Variants in LPP observed in about 807,000 individuals in gnomAD.
LPP encodes the protein LIM domain containing preferred translocation partner in lipoma.
LPP carries 38 observed loss-of-function variants against 60.4 expected under a neutral mutation model. The ratio of observed to expected loss-of-function variants is 0.63; its 90% CI spans 0.49 to 0.83. LPP has a LOEUF of 0.83. LPP is among the 40% of genes least tolerant of loss of function. The probability of loss-of-function intolerance (pLI) is 0.00; values close to 1 mark genes in which losing one functional copy is unlikely to be tolerated. For synonymous variants in LPP, 328 were observed against 290.8 expected (o/e 1.13, Z -1.30); for missense variants, 902 against 783.6 (o/e 1.15, Z -1.80).
chr3:188,313,313 C>T (rs1754037628), intron 2 of LPP, among the ~76,000 whole-genome samples: 2 of 151,966 alleles, frequency 1.3e-5, no homozygotes, highest in South Asian at 2.1e-4. Flanking sequence ...GCTTTTAATG[C>T]CTGTTTATTT....
At chr3:188,546,770 G>A (rs1826769295) in intron 6 of LPP, among the ~76,000 whole-genome samples, 1 of 152,190 alleles carries the variant, frequency 6.6e-6, no homozygotes, top group Non-Finnish European at 1.5e-5. Flanking sequence ...ATATTGGGAT[G>A]TTTGTCAGAG....
At chr3:188,819,431 G>A (rs1384576613) in intron 9 of LPP, among the ~76,000 whole-genome samples, 2 of 151,880 alleles carry the variant, frequency 1.3e-5, no homozygotes, top group East Asian at 3.9e-4. Flanking sequence ...TCACTGTAGA[G>A]GCTACAGGAT....
At chr3:188,677,248 T>C (rs1858335705) in intron 7 of LPP, among the ~76,000 whole-genome samples, 1 of 152,234 alleles carries the variant, frequency 6.6e-6, no homozygotes. Flanking sequence ...TGCCAAGTCT[T>C]TATTGTTTTA....
At chr3:188,770,344 A>ATTTTTTT (rs61040174) in intron 9 of LPP, among the ~76,000 whole-genome samples, 4 of 115,410 alleles carry the variant, frequency 3.5e-5, no homozygotes, top group African/African-American at 9.6e-5. Context: ...ACGCCCAGCT[A>ATTTTTTT]TTTTTTTTTT....
At chr3:188,405,873 C>A (rs1309814833) in intron 3 of LPP, among the ~76,000 whole-genome samples, 1 of 41,836 alleles carries the variant, frequency 2.4e-5, no homozygotes, top group Non-Finnish European at 9.6e-5. Context: ...CCTGCTCCTC[C>A]TCTTTCTCTT....
At chr3:188,784,158 A>G (rs1740785729) in intron 9 of LPP, among the ~76,000 whole-genome samples, 1 of 151,464 alleles carries the variant, frequency 6.6e-6, no homozygotes, top group African/African-American at 2.4e-5. Context: ...CCCACATATC[A>G]GTGAGAAAAT....
At chr3:188,290,326 C>T (rs1745522559) in intron 2 of LPP, among the ~76,000 whole-genome samples, 1 of 152,076 alleles carries the variant, frequency 6.6e-6, no homozygotes, top group Non-Finnish European at 1.5e-5. Flanking sequence ...AGCCACATTG[C>T]TTGGGTTTGG....
rs1206082559 is a variant in LPP, at chr3:188,785,547, T to TATATATATATACACACACAC, written c.1410+25266_1410+25267insTATATATATACACACACACA. Among the ~76,000 whole-genome samples, 66 of 43,846 alleles carry TATATATATATACACACACAC rather than the reference T, an allele frequency of 1.5e-3. 8 individuals carry two copies. The East Asian group carries it at 0.032, about 21-fold the overall frequency. 28.8% of individuals were successfully genotyped at this position (43,846 alleles called of 152,430 possible). ...ATATATATTCCATCATATATATATA[T>TATATATATATACACACACAC]ACACACACACACACACACACACACA... On this transcript the variant is annotated intron_variant, in intron 9 of 11. Coordinates refer to ENST00000617246, the MANE Select transcript of LPP (RefSeq NM_001375462.1).
In LPP at chr3:188,883,826, G is replaced by A. The variant is rs186580972; in HGVS notation, c.*9347G>A. 5.7e-5 allele frequency: 12 copies of A among 212,134 alleles called. No individual in the cohort carries two copies. Among genetic ancestry groups the A allele is most frequent in the Non-Finnish European group, 1.1e-4 (12 of 104,904 alleles). The allele number at this position is 212,134 out of a possible 1,614,324, so 13.1% of individuals were successfully genotyped here. ...GTCAAAAGCAAAAGATAGTGGTATT[G>A]CCGAAAACTCATTATTTCTAGTTAG... On this transcript the variant is annotated 3_prime_UTR_variant, in exon 12 of 12. Coordinates refer to ENST00000617246, the MANE Select transcript of LPP (RefSeq NM_001375462.1).
At chr3:188,198,445 C>T (rs1730145855) in intron 1 of LPP, among the ~76,000 whole-genome samples, 1 of 152,168 alleles carries the variant, frequency 6.6e-6, no homozygotes, top group African/African-American at 2.4e-5. Flanking sequence ...ACTTGAATCA[C>T]ATTTGTAGAT....
intron 8 of LPP, among the ~76,000 whole-genome samples, chr3:188,728,890 G>C (rs937279920): frequency 6.7e-6 from 1 of 149,716 alleles, no homozygotes; most frequent in Admixed American, 6.7e-5. Flanking sequence ...AAAAAAAAAT[G>C]TACCATGAAC....
chr3:188,462,231 C>T (rs1799120230), intron 4 of LPP, among the ~76,000 whole-genome samples: 1 of 150,954 alleles, frequency 6.6e-6, no homozygotes, highest in African/African-American at 2.4e-5. Flanking sequence ...TTAAAATAGA[C>T]ATTATTATTA....
intron 4 of LPP, among the ~76,000 whole-genome samples, chr3:188,453,356 T>C (rs1361042823): frequency 2.0e-5 from 3 of 151,870 alleles, no homozygotes; most frequent in Admixed American, 2.0e-4. Context: ...CAGGCTGGAG[T>C]GTAGACCTGG....
intron 6 of LPP, among the ~76,000 whole-genome samples, chr3:188,580,150 T>C (rs1211151241): frequency 6.6e-6 from 1 of 152,116 alleles, no homozygotes; most frequent in Non-Finnish European, 1.5e-5. Flanking sequence ...CAACACCTAT[T>C]TTAACCAGAA....
chr3:188,886,737 T>C lies in LPP; in HGVS notation c.*12258T>C, dbSNP rs11914816. The C allele has an allele frequency of 0.048, 8,951 of 186,688 alleles. 448 individuals are homozygous for C. Among genetic ancestry groups the C allele is most frequent in the African/African-American group, 0.14 (5,143 of 35,628 alleles). The allele number at this position is 186,688 out of a possible 1,614,324, so 11.6% of individuals were successfully genotyped here. On this transcript the variant is annotated 3_prime_UTR_variant, in exon 12 of 12. Coordinates refer to ENST00000617246, the MANE Select transcript of LPP (RefSeq NM_001375462.1). Reference sequence around the variant, plus strand: ...TCTTCAAAACACACACACACACACATACACACACACACACACACACACACA... The same window carrying C: ...TCTTCAAAACACACACACACACACACACACACACACACACACACACACACA...
At chr3:188,565,142 A>G (rs1173770210) in intron 6 of LPP, among the ~76,000 whole-genome samples, 1 of 151,922 alleles carries the variant, frequency 6.6e-6, no homozygotes. Flanking sequence ...TTTGGGTTCA[A>G]TGTCTGATCC....
At chr3:188,393,280 C>T (rs1188729057) in intron 3 of LPP, among the ~76,000 whole-genome samples, 1 of 152,054 alleles carries the variant, frequency 6.6e-6, no homozygotes, top group Admixed American at 6.6e-5. Flanking sequence ...TCTGCTATAT[C>T]TTGCTTTTCT....
chr3:188,184,024 G>A (rs1254994297), intron 1 of LPP, among the ~76,000 whole-genome samples: 2 of 152,158 alleles, frequency 1.3e-5, no homozygotes, highest in Non-Finnish European at 2.9e-5. Flanking sequence ...AGTTGCTGGA[G>A]GTGTTCAGGC....
At chr3:188,448,296 A>G (rs1795753425) in intron 4 of LPP, among the ~76,000 whole-genome samples, 1 of 152,070 alleles carries the variant, frequency 6.6e-6, no homozygotes, top group South Asian at 2.1e-4. Flanking sequence ...AATGGAGATA[A>G]TATTCTCATT....
Sources: gnomAD v4.1 joint callset for allele counts (sites outside exome capture counted in the v4.1 genomes callset) on GRCh38, gnomAD v4.1.1 for gene constraint, MANE v1.5 for transcripts, NCBI Gene and HGNC (gene_info 2026-07-23, HGNC 2026-07-21) for gene names.